The following LAMA2 variants were observed in gnomAD, a reference collection of about 807,000 sequenced individuals.
LAMA2 encodes the protein laminin subunit alpha-2.
In LAMA2, 269 loss-of-function variants were observed where a neutral mutation model predicts 364.8. The observed-to-expected ratio is 0.74, with a 90% CI of 0.67 to 0.82. LAMA2 has a LOEUF of 0.82. LAMA2 is among the 40% of genes least tolerant of loss of function. The probability of loss-of-function intolerance (pLI) is 0.00; values close to 1 mark genes in which losing one functional copy is unlikely to be tolerated. For missense variants in LAMA2, 3,807 were observed against 3,873.2 expected (o/e 0.98, Z 0.45); for synonymous variants, 1,379 against 1,370.6 (o/e 1.01, Z -0.14).
chr6:129,248,561 A>G (rs1785939084), intron 12 of LAMA2, among the ~76,000 whole-genome samples: 1 of 152,192 alleles, frequency 6.6e-6, no homozygotes, highest in Non-Finnish European at 1.5e-5. Context: ...TTCAAGAAAA[A>G]TAGCATGTAA....
At chr6:128,892,582 C>T (rs1562803731) in intron 1 of LAMA2, among the ~76,000 whole-genome samples, 1 of 151,948 alleles carries the variant, frequency 6.6e-6, no homozygotes, top group Non-Finnish European at 1.5e-5. Flanking sequence ...TTTTCATTGA[C>T]ATCTGCTTGG....
chr6:128,979,414 A>G (rs1376969426), intron 1 of LAMA2, among the ~76,000 whole-genome samples: 2 of 152,150 alleles, frequency 1.3e-5, no homozygotes, highest in Non-Finnish European at 2.9e-5. Context: ...AAAAAAAAAT[A>G]TGGACTGCTT....
chr6:128,909,064 T>A lies in LAMA2; in HGVS notation c.112+25707T>A, dbSNP rs879539781. 2.1e-3 allele frequency among the ~76,000 whole-genome samples: 321 copies of A among 149,464 alleles called. 1 individual carries two copies. Among genetic ancestry groups the A allele is most frequent in the Non-Finnish European group, 2.3e-3 (155 of 67,592 alleles). Reference sequence around the variant, plus strand: ...GAGAGCTTTACTTCCAAGTATGTGGTCAATTTTGGAATAGGTGTGGTGTGG... The same window carrying A: ...GAGAGCTTTACTTCCAAGTATGTGGACAATTTTGGAATAGGTGTGGTGTGG... On this transcript the variant is annotated intron_variant, in intron 1 of 64. Coordinates refer to ENST00000421865, the MANE Select transcript of LAMA2 (RefSeq NM_000426.4).
At chr6:129,467,943 A>G (rs2114814740) in intron 51 of LAMA2, among the ~76,000 whole-genome samples, 1 of 151,994 alleles carries the variant, frequency 6.6e-6, no homozygotes, top group African/African-American at 2.4e-5. Context: ...GTGGTCCAGA[A>G]ATCAGAAAGA....
chr6:129,466,987 G>A (rs1405863274), intron 51 of LAMA2, among the ~76,000 whole-genome samples: 2 of 151,780 alleles, frequency 1.3e-5, no homozygotes, highest in Non-Finnish European at 2.9e-5. Context: ...AGGATGCTAC[G>A]GAGTCTGGTG....
rs570650925 is a variant in LAMA2 at position 129,170,538 on chromosome 6, T to A, written c.1306+4863T>A. Among the ~76,000 whole-genome samples the A allele has an allele frequency of 2.7e-3, 333 of 122,648 alleles. 1 individual carries two copies. Among genetic ancestry groups the A allele is most frequent in the African/African-American group, 0.012 (305 of 24,912 alleles). 80.5% of individuals were successfully genotyped at this position (122,648 alleles called of 152,430 possible). A position where few individuals can be genotyped will look rare whatever the true frequency, so the allele number is the denominator to read the frequency against. On this transcript the variant is annotated intron_variant, in intron 9 of 64. Transcript: ENST00000421865. Reference sequence around the variant, plus strand: ...CTGTGGTCTGAGAGATAGTTTGTTATAATTTCTGTTCTTTTACATTTGCTG... The same window carrying A: ...CTGTGGTCTGAGAGATAGTTTGTTAAAATTTCTGTTCTTTTACATTTGCTG...
chr6:129,110,085 T>C (rs1776059309), intron 4 of LAMA2, among the ~76,000 whole-genome samples: 1 of 151,026 alleles, frequency 6.6e-6, no homozygotes, highest in South Asian at 2.1e-4. Flanking sequence ...CACACAAGCA[T>C]TTAAATATGC....
chr6:129,278,636 T>C (rs978374123), intron 17 of LAMA2, among the ~76,000 whole-genome samples: 6 of 152,276 alleles, frequency 3.9e-5, no homozygotes, highest in Non-Finnish European at 8.8e-5. Flanking sequence ...AGGAGATTCT[T>C]TACTCGCAGT....
At chr6:129,186,165 TATTAA>T (rs556819071) in intron 10 of LAMA2, among the ~76,000 whole-genome samples, 2 of 151,838 alleles carry the variant, frequency 1.3e-5, no homozygotes, top group South Asian at 4.1e-4. Flanking sequence ...TAAAAATTTT[TATTAA>T]ATTATGTTTT....
In LAMA2 at chr6:129,327,188, T is replaced by G. The variant is rs115877874; in HGVS notation, c.4177-1090T>G. Among the ~76,000 whole-genome samples the G allele has an allele frequency of 6.7e-3, 1,025 of 152,270 alleles. 9 individuals carry two copies. Among genetic ancestry groups the G allele is most frequent in the African/African-American group, 0.023 (972 of 41,548 alleles). On this transcript the variant is annotated intron_variant, in intron 28 of 64. Coordinates refer to ENST00000421865, the MANE Select transcript of LAMA2 (RefSeq NM_000426.4). The stretch of plus-strand genomic sequence containing the variant: ...GAGAGTCTCTTGATTAAGTGCTTAA[T>G]TGAAGTACTTTTGCATTATCCAAAT...
At chr6:128,890,723 C>T (rs940086863) in intron 1 of LAMA2, among the ~76,000 whole-genome samples, 8 of 152,026 alleles carry the variant, frequency 5.3e-5, no homozygotes, top group African/African-American at 1.7e-4. Flanking sequence ...TCTTTATTGG[C>T]TTTTCTGAAG....
Position 129,193,497 on chromosome 6 carries a change from T to C in LAMA2, c.1782+644T>C, listed in dbSNP as rs3778133. On this transcript the variant is annotated intron_variant, in intron 12 of 64. Coordinates refer to ENST00000421865, the MANE Select transcript of LAMA2 (RefSeq NM_000426.4). Reference sequence around the variant, plus strand: ...GCCTCAGAAATACAGGCTTATTTTTTTCTGTTGTGGATTACTTCTATCTAG... The same window carrying C: ...GCCTCAGAAATACAGGCTTATTTTTCTCTGTTGTGGATTACTTCTATCTAG... 1.2e-3 allele frequency among the ~76,000 whole-genome samples: 179 copies of C among 152,358 alleles called. 1 individual carries two copies. The East Asian group carries it at 0.029, about 24-fold the overall frequency.
intron 1 of LAMA2, among the ~76,000 whole-genome samples, chr6:128,917,942 C>G (rs555446319): frequency 6.6e-6 from 1 of 151,928 alleles, no homozygotes; most frequent in African/African-American, 2.4e-5. Context: ...TGCCATGTTG[C>G]TCAGACTGAA....
Position 129,507,633 on chromosome 6 carries a change from GC to G in LAMA2, c.8850del (p.Ala2952GlnfsTer13). The G allele has an allele frequency of 6.2e-7, 1 of 1,614,090 alleles. No homozygotes were observed. Among genetic ancestry groups the G allele is most frequent in the Non-Finnish European group, 8.5e-7 (1 of 1,179,976 alleles). The stretch of plus-strand genomic sequence containing the variant: ...AACATATTTTGACGGAACCGGTTTT[GC>G]CAAAGCAGGTAAGGCTCTTTCATTT... Reference protein sequence around the residue: ...RGTYFDGTGFAKAVGGFKVGL... With the variant: ...RGTYFDGTGFXKAVGGFKVGL... On this transcript the variant is annotated frameshift_variant, in exon 62 of 65. Coordinates refer to ENST00000421865, the MANE Select transcript of LAMA2 (RefSeq NM_000426.4). LOFTEE classifies it high-confidence loss of function.
Position 129,165,580 on chromosome 6 carries a change from C to T in LAMA2, c.1211C>T (p.Ser404Phe). 2 of 1,605,722 alleles carry T rather than the reference C, an allele frequency of 1.2e-6. No homozygotes were observed. Among genetic ancestry groups the T allele is most frequent in the South Asian group, 2.2e-5 (2 of 90,612 alleles). The change falls in exon 9 of 65, where the codon TCT becomes TTT. Residue 404 changes from serine (S) to phenylalanine (F), a missense_variant. By Grantham distance (155) the Ser-to-Phe change is radical. Coordinates refer to ENST00000421865, the MANE Select transcript of LAMA2 (RefSeq NM_000426.4). ...TCATTTTAATATTTTTGTTAGGTAT[C>T]TCCAAATTATCCAAGGCCATGCCAG... ...TDGFFRPKGV[S>F]PNYPRPCQPC...
intron 32 of LAMA2, among the ~76,000 whole-genome samples, chr6:129,359,879 C>G (rs1357560931): frequency 6.6e-6 from 1 of 152,034 alleles, no homozygotes; most frequent in East Asian, 1.9e-4. Flanking sequence ...GGTAGAAATG[C>G]AGTATTTTGT....
chr6:129,138,399 A>AAACTGTG (rs1311258861), intron 4 of LAMA2, among the ~76,000 whole-genome samples: 2 of 152,174 alleles, frequency 1.3e-5, no homozygotes, highest in Non-Finnish European at 2.9e-5. Context: ...AATACTTCAA[A>AAACTGTG]AACTGTGCCT....
intron 18 of LAMA2, among the ~76,000 whole-genome samples, chr6:129,281,296 A>T (rs1788700878): frequency 6.6e-6 from 1 of 152,108 alleles, no homozygotes; most frequent in South Asian, 2.1e-4. Flanking sequence ...GCCAAGACAG[A>T]TTTACATCAA....
At position 129,516,374 on chromosome 6, in the gene LAMA2, GTC is replaced by G. The variant is rs776709087; in HGVS notation, c.*29_*30del. On this transcript the variant is annotated 3_prime_UTR_variant, in exon 65 of 65. Transcript: ENST00000421865. ...AAAAATAAGTGTAACCCCAGGAAGA[GTC>G]TGTCAAAACAAGTATATCAAGTAAA... The G allele has an allele frequency of 3.1e-6, 5 of 1,610,246 alleles. No individual in the cohort carries two copies. The highest frequency in any genetic ancestry group is 1.1e-5 in the South Asian group (1 of 90,938).
Sources: gnomAD v4.1 joint callset for allele counts (sites outside exome capture counted in the v4.1 genomes callset) on GRCh38, gnomAD v4.1.1 for gene constraint, MANE v1.5 for transcripts, NCBI Gene and HGNC (gene_info 2026-07-23, HGNC 2026-07-21) for gene names.